CIT: variants seen among roughly 807,000 people sequenced by gnomAD.
The protein encoded by CIT is citron rho-interacting serine/threonine kinase.
A neutral mutation model predicts 272.7 loss-of-function variants in CIT; 79 were observed. The observed-to-expected ratio is 0.29, with a 90% confidence interval of 0.24 to 0.35. The LOEUF is 0.35. Among genes scored for constraint, CIT ranks in the 10% least tolerant of loss-of-function variants. CIT has a pLI of 1.00. For missense variants in CIT, 1,909 were observed against 2,618.3 expected (o/e 0.73, Z 5.91); for synonymous variants, 948 against 995.6 (o/e 0.95, Z 0.90).
At position 119,869,124 on chromosome 12, in the gene CIT, G is replaced by A. The variant is rs752983194; in HGVS notation, c.174C>T (p.Leu58=). The A allele has an allele frequency of 6.2e-7, 1 of 1,613,442 alleles. No individual in the cohort carries two copies. The highest frequency in any genetic ancestry group is 8.5e-7 in the Non-Finnish European group (1 of 1,179,800). ...REGILDALFV[L]FEECSQPALM... The stretch of plus-strand genomic sequence containing the variant: ...GAGCAGGCTGACTGCATTCTTCAAA[G>A]AGAACAAAGAGGGCATCTAATATCC... Residue 58 remains leucine, a synonymous_variant, in exon 3 of 48, where the codon CTC becomes CTT. Transcript: ENST00000392521.
At chr12:119,856,541 ACACACACACACACC>A (rs1253668652) in intron 4 of CIT, among the ~76,000 whole-genome samples, 1 of 151,642 alleles carries the variant, frequency 6.6e-6, no homozygotes, top group Non-Finnish European at 1.5e-5. Context: ...GAACCACTGA[ACACACACACACACC>A]CACACACACA....
chr12:119,752,411 G>A (rs936807325), intron 22 of CIT, among the ~76,000 whole-genome samples, 164 bp from the exon 23 acceptor site: 45 of 152,296 alleles, frequency 3.0e-4, no homozygotes, highest in African/African-American at 8.9e-4. Context: ...AAATGGGCCT[G>A]AGTTCCATGC....
At chr12:119,813,304 A>C (rs1966875661) in intron 9 of CIT, among the ~76,000 whole-genome samples, 2 of 152,208 alleles carry the variant, frequency 1.3e-5, no homozygotes, top group South Asian at 4.1e-4. Flanking sequence ...GGATGAACAG[A>C]GTTGGCTATA....
chr12:119,716,203 C>T (rs558437077), intron 32 of CIT, among the ~76,000 whole-genome samples: 61 of 151,406 alleles, frequency 4.0e-4, no homozygotes, highest in African/African-American at 1.7e-4. Context: ...CATGGTGAAA[C>T]CCTATCTCTA....
intron 47 of CIT, among the ~76,000 whole-genome samples, chr12:119,689,871 G>C (rs1288863449): frequency 6.6e-6 from 1 of 151,424 alleles, no homozygotes; most frequent in Non-Finnish European, 1.5e-5. Context: ...CGTAGAGACG[G>C]GGTTTCACCA....
intron 22 of CIT, among the ~76,000 whole-genome samples, chr12:119,756,140 G>T (rs1287466541): frequency 2.0e-5 from 3 of 152,172 alleles, no homozygotes; most frequent in Non-Finnish European, 2.9e-5. Flanking sequence ...CTAGTAAGAG[G>T]TCATAAAACC....
At chr12:119,816,184 A>C (rs1967167040) in intron 9 of CIT, among the ~76,000 whole-genome samples, 1 of 152,218 alleles carries the variant, frequency 6.6e-6, no homozygotes, top group Admixed American at 6.5e-5. Context: ...TTAGTGAAGA[A>C]TACTTATTCC....
chr12:119,830,009 C>T (rs1445753073), intron 7 of CIT, among the ~76,000 whole-genome samples: 1 of 151,574 alleles, frequency 6.6e-6, no homozygotes. Context: ...TTAGAACCTA[C>T]TTTAGGCCTA....
intron 2 of CIT, among the ~76,000 whole-genome samples, chr12:119,875,655 A>G (rs1950820384): frequency 6.6e-6 from 1 of 152,158 alleles, no homozygotes; most frequent in Admixed American, 6.6e-5. Flanking sequence ...AAACAAAACA[A>G]AACAGAATTT....
At chr12:119,860,899 T>C (rs539493104) in intron 3 of CIT, among the ~76,000 whole-genome samples, 1 of 150,896 alleles carries the variant, frequency 6.6e-6, no homozygotes, top group East Asian at 2.0e-4. Flanking sequence ...GGTGGGCGGA[T>C]CACCTGAGGT....
At chr12:119,861,240 C>T (rs1270715472) in intron 3 of CIT, among the ~76,000 whole-genome samples, 1 of 152,092 alleles carries the variant, frequency 6.6e-6, no homozygotes, top group Non-Finnish European at 1.5e-5. Context: ...GCCCAGTGGG[C>T]ACTGAATATT....
At chr12:119,812,006 C>T (rs995868911) in intron 9 of CIT, among the ~76,000 whole-genome samples, 1 of 146,692 alleles carries the variant, frequency 6.8e-6, no homozygotes, top group African/African-American at 2.5e-5. Context: ...AGTGCAGTGG[C>T]ATGATCTCGG....
intron 9 of CIT, among the ~76,000 whole-genome samples, chr12:119,813,603 G>A (rs1033616273): frequency 2.0e-5 from 3 of 152,112 alleles, no homozygotes; most frequent in South Asian, 2.1e-4. Flanking sequence ...AGGTTTTCCC[G>A]CAAGTGAGAA....
chr12:119,839,389 T>C (rs568247862), intron 5 of CIT, among the ~76,000 whole-genome samples: 60 of 152,256 alleles, frequency 3.9e-4, no homozygotes, highest in Admixed American at 1.6e-3. Context: ...CTCCTTGAAA[T>C]GTTTGCACGC....
chr12:119,814,823 G>A (rs940871044), intron 9 of CIT, among the ~76,000 whole-genome samples: 3 of 152,046 alleles, frequency 2.0e-5, no homozygotes, highest in Non-Finnish European at 2.9e-5. Flanking sequence ...GATTACCTGA[G>A]GTCAGGAGTT....
At chr12:119,875,886 G>C (rs1950828347) in intron 2 of CIT, among the ~76,000 whole-genome samples, 187 bp downstream of exon 2, 1 of 152,298 alleles carries the variant, frequency 6.6e-6, no homozygotes, top group South Asian at 2.1e-4. Context: ...TACTCTGGAG[G>C]CTGAGGCAGG....
chr12:119,730,276 G>T (rs1958364146), intron 27 of CIT, among the ~76,000 whole-genome samples: 1 of 152,016 alleles, frequency 6.6e-6, no homozygotes, highest in Non-Finnish European at 1.5e-5. Context: ...AAAAGTCACT[G>T]GCCGACTGTG....
At chr12:119,788,629 G>T (rs182735621) in intron 10 of CIT, among the ~76,000 whole-genome samples, 1 of 152,208 alleles carries the variant, frequency 6.6e-6, no homozygotes, top group East Asian at 1.9e-4. Flanking sequence ...AAAGTGCACC[G>T]CTGTGGGTAC....
intron 1 of CIT, among the ~76,000 whole-genome samples, chr12:119,877,033 C>T (rs183701108): frequency 3.5e-4 from 53 of 152,300 alleles, no homozygotes; most frequent in African/African-American, 1.2e-3. Context: ...GCCTCCTGCC[C>T]CAGCACCACT....
Sources: gnomAD v4.1 joint callset for allele counts (sites outside exome capture counted in the v4.1 genomes callset) on GRCh38, gnomAD v4.1.1 for gene constraint, MANE v1.5 for transcripts, NCBI Gene and HGNC (gene_info 2026-07-23, HGNC 2026-07-21) for gene names.